CEP131: variants seen among roughly 807,000 people sequenced by gnomAD.
CEP131 encodes the protein centrosomal protein 131.
Under a neutral mutation model 136.8 loss-of-function variants are expected in CEP131, and 99 were observed. The ratio of observed to expected loss-of-function variants is 0.72; its 90% CI spans 0.62 to 0.86. CEP131 has a LOEUF of 0.86. Among genes scored for constraint, CEP131 ranks in the 40% least tolerant of loss-of-function variants. The pLI, the probability that CEP131 is intolerant of heterozygous loss-of-function variation, is 0.00. For missense variants in CEP131, 1,459 were observed against 1,463.0 expected (o/e 1.00, Z 0.04); for synonymous variants, 646 against 612.7 (o/e 1.05, Z -0.80).
In CEP131 at chr17:81,219,843, G is replaced by C; in HGVS notation, c.177+37C>G. The C allele has an allele frequency of 6.6e-7, 1 of 1,512,458 alleles. No homozygotes were observed. Among genetic ancestry groups the C allele is most frequent in the Non-Finnish European group, 8.9e-7 (1 of 1,123,970 alleles). 93.7% of individuals were successfully genotyped at this position (1,512,458 alleles called of 1,614,324 possible). A position where few individuals can be genotyped will look rare whatever the true frequency, so the allele number is the denominator to read the frequency against. ...TGCCAACTGAACAACAGCCCTCCAG[G>C]AGGCAGGGGCCCGGACTCCTAGGCC... is the stretch of plus-strand genomic sequence containing the variant. On this transcript the variant is annotated intron_variant, in intron 2 of 25. Transcript: ENST00000450824. The surrounding 1 kb of genome is among the most constrained non-coding windows in gnomAD (Gnocchi z 4.0).
intron 19 of CEP131, 51 bp downstream of exon 19, chr17:81,192,685 G>GGGGGGGGGGGGGGGGCCCC: frequency 2.1e-6 from 1 of 478,428 alleles, no homozygotes; most frequent in Non-Finnish European, 4.1e-6. Flanking sequence ...GGGGGGAGGG[G>GGGGGGGGGGGGGGGGCCCC]TCAGCCAGCG....
rs1456027781 is a variant in CEP131, at chr17:81,196,789, T to A, written c.1811A>T (p.Glu604Val). 1 of 1,586,122 alleles carries A rather than the reference T, an allele frequency of 6.3e-7. No homozygotes were observed. The highest frequency in any genetic ancestry group is 8.6e-7 in the Non-Finnish European group (1 of 1,166,982). Reference protein sequence around the residue: ...QRDLTARRVKETEKALSRQLQ... With the variant: ...QRDLTARRVKVTEKALSRQLQ... ...CTGCCGGCTCAGCGCCTTCTCTGTCTCCTTGACCCGCCGGGCCGTGAGGTC... is the reference window on the plus strand; with the variant it reads ...CTGCCGGCTCAGCGCCTTCTCTGTCACCTTGACCCGCCGGGCCGTGAGGTC... Residue 604 changes from glutamate (E) to valine (V), a missense_variant, in exon 15 of 26, where the codon GAG (glutamate) becomes GTG (valine). This residue lies in a region of CEP131 where 1,026 missense variants were observed against 964.2 expected (regional missense o/e 1.06). Coordinates refer to ENST00000450824, the MANE Select transcript of CEP131 (RefSeq NM_014984.4).
In CEP131 at chr17:81,198,876, C is replaced by T. The variant is rs1238523549; in HGVS notation, c.1287+1G>A. ...GGAGTGAAGGACAGCTGTGCTCAGA[C>T]CTGCGTCCTGTCCTCTGGAGGCTGC... On this transcript the variant is annotated splice_donor_variant, in intron 11 of 25. Transcript: ENST00000450824. LOFTEE classifies it high-confidence loss of function. 1.3e-6 allele frequency: 2 copies of T among 1,580,142 alleles called. No individual in the cohort carries two copies. The highest frequency in any genetic ancestry group is 1.7e-6 in the Non-Finnish European group (2 of 1,163,790).
chr17:81,194,093 C>T lies in CEP131; in HGVS notation c.2154G>A (p.Arg718=). ...LEPEIQKLIA[R]HKQEVRRLKS... ...TGAGCCTCCGCACTTCCTGCTTGTGCCTTGCAATCAGCTTCTGGATCTCGG... is the reference window on the plus strand; with the variant it reads ...TGAGCCTCCGCACTTCCTGCTTGTGTCTTGCAATCAGCTTCTGGATCTCGG... The change falls in exon 18 of 26, where the codon AGG becomes AGA. Residue 718 remains arginine, a synonymous_variant. Transcript: ENST00000450824. 1 of 1,563,538 alleles carries T rather than the reference C, an allele frequency of 6.4e-7. No individual in the cohort carries two copies. The highest frequency in any genetic ancestry group is 8.6e-7 in the Non-Finnish European group (1 of 1,156,672).
rs2062346706 is a variant in CEP131 at position 81,219,913 on chromosome 17, CACGGAGACAGAGCGGACG to C, written c.126_143del (p.Ile42_Val48delinsMet). ...TCCTCTTCTGCTCGCTGCCTGTGAC[CACGGAGACAGAGCGGACG>C]ATGGGCTTGGTGGTGGCGGCACTGC... On this transcript the variant is annotated inframe_deletion, in exon 2 of 26. Coordinates refer to ENST00000450824, the MANE Select transcript of CEP131 (RefSeq NM_014984.4). This position sits in a 1 kb window ranked among gnomAD's most constrained non-coding sequence, Gnocchi z 4.0. 1 of 1,610,702 alleles carries C rather than the reference CACGGAGACAGAGCGGACG, an allele frequency of 6.2e-7. No homozygotes were observed. The highest frequency in any genetic ancestry group is 1.3e-5 in the African/African-American group (1 of 74,858).
chr17:81,192,726 CG>C lies in CEP131; in HGVS notation c.2429+9del. ...TCCCTGGGAGAGGGCGTGGTGCCCCCGGGCGGCACCTGGCTGCCTGCTGGCC... is the reference window on the plus strand; with the variant it reads ...TCCCTGGGAGAGGGCGTGGTGCCCCCGGCGGCACCTGGCTGCCTGCTGGCC... On this transcript the variant is annotated intron_variant, in intron 19 of 25. Coordinates refer to ENST00000450824, the MANE Select transcript of CEP131 (RefSeq NM_014984.4). The C allele has an allele frequency of 6.5e-7, 1 of 1,547,860 alleles. No homozygotes were observed. The highest frequency in any genetic ancestry group is 8.8e-7 in the Non-Finnish European group (1 of 1,138,082).
chr17:81,220,430 C>T (rs2062361712), intron 1 of CEP131, among the ~76,000 whole-genome samples: 1 of 152,210 alleles, frequency 6.6e-6, no homozygotes, highest in Admixed American at 6.5e-5. Flanking sequence ...CACCGTGATT[C>T]TGAGAAAGTC....
At position 81,191,218 on chromosome 17, in the gene CEP131, C is replaced by T. The variant is rs1014700050; in HGVS notation, c.2740G>A (p.Glu914Lys). Residue 914 changes from glutamate (E) to lysine (K), a missense_variant, in exon 22 of 26, where the codon GAG becomes AAG. Glu to Lys is a moderately conservative substitution (Grantham distance 56). Coordinates refer to ENST00000450824, the MANE Select transcript of CEP131 (RefSeq NM_014984.4). ...CGGCTCTCGGCAGCCTTCTCACTCT[C>T]CTCCTTGGCCAGCGCCATGTCGGCC... ...LEADMALAKE[E>K]SEKAAESRIK... The T allele has an allele frequency of 3.1e-6, 5 of 1,612,948 alleles. No homozygotes were observed. Among genetic ancestry groups the T allele is most frequent in the Non-Finnish European group, 4.2e-6 (5 of 1,179,944 alleles).
chr17:81,201,644 G>A (rs1000859966), intron 7 of CEP131, among the ~76,000 whole-genome samples: 6 of 152,186 alleles, frequency 3.9e-5, no homozygotes, highest in Non-Finnish European at 1.5e-5. Context: ...CAAATCTAGA[G>A]TTGTGTGACC....
Position 81,191,007 on chromosome 17 carries a change from C to A in CEP131, c.2843G>T (p.Cys948Phe), listed in dbSNP as rs1289956999. The A allele has an allele frequency of 6.2e-7, 1 of 1,609,714 alleles. No individual in the cohort carries two copies. The highest frequency in any genetic ancestry group is 8.5e-7 in the Non-Finnish European group (1 of 1,179,902). Residue 948 changes from cysteine to phenylalanine, a missense_variant, in exon 23 of 26, where the codon TGC becomes TTC. Around this residue, in one of 3 missense-constraint regions of CEP131, gnomAD observed 1,026 missense variants for 964.2 expected, o/e 1.06. Coordinates refer to ENST00000450824, the MANE Select transcript of CEP131 (RefSeq NM_014984.4). ...EQSERKLQERCSELKGQLGEA... is the reference protein window; with the variant it reads ...EQSERKLQERFSELKGQLGEA... The stretch of plus-strand genomic sequence containing the variant: ...CCCAAGCTGGCCCTTCAGCTCCGAG[C>A]ACCGCTCCTGAAGCTTCCGCTCCGA...
At chr17:81,209,105 G>A (rs936680070) in intron 2 of CEP131, 83 bp from the exon 3 acceptor site, 10 of 1,055,654 alleles carry the variant, frequency 9.5e-6, no homozygotes, top group South Asian at 1.4e-5. Context: ...TTGGAGAAAC[G>A]CAGTCAGAGA....
rs182537101 is a variant in CEP131, at chr17:81,198,119, C to A, written c.1466G>T (p.Ser489Ile). 3 of 1,561,552 alleles carry A rather than the reference C, an allele frequency of 1.9e-6. No individual in the cohort carries two copies. The highest frequency in any genetic ancestry group is 4.7e-5 in the East Asian group (2 of 42,274). Reference protein sequence around the residue: ...THHRGRYAWASEEDDASSLTA... With the variant: ...THHRGRYAWAIEEDDASSLTA... ...GCGGGCGCACACCGTGGTCACCTCG[C>A]TGGCCCAGGCGTATCTGCCCCTGTG... The change falls in exon 12 of 26, where the codon AGC becomes ATC. Residue 489 changes from serine to isoleucine, a missense_variant. Physicochemically the swap from Ser to Ile is moderately radical, Grantham distance 142. This residue lies in a region of CEP131 where 1,026 missense variants were observed against 964.2 expected (regional missense o/e 1.06). Coordinates refer to ENST00000450824, the MANE Select transcript of CEP131 (RefSeq NM_014984.4).
rs748770958 is a variant in CEP131 at position 81,190,927 on chromosome 17, C to T, written c.2923G>A (p.Ala975Thr). 1 of 1,604,672 alleles carries T rather than the reference C, an allele frequency of 6.2e-7. No homozygotes were observed. The highest frequency in any genetic ancestry group is 1.7e-5 in the Admixed American group (1 of 59,958). Residue 975 changes from alanine to threonine, a missense_variant, in exon 23 of 26, where the codon GCG becomes ACG. Ala to Thr is a moderately conservative substitution (Grantham distance 58). Coordinates refer to ENST00000450824, the MANE Select transcript of CEP131 (RefSeq NM_014984.4). ...CTCACCGCCTGCGCATCCTCCAGCGCCCGCTCCTTCTGCCGCACAAGGCCC... is the reference window on the plus strand; with the variant it reads ...CTCACCGCCTGCGCATCCTCCAGCGTCCGCTCCTTCTGCCGCACAAGGCCC... Reference protein sequence around the residue: ...LQGLVRQKERALEDAQAVNEQ... With the variant: ...LQGLVRQKERTLEDAQAVNEQ...
chr17:81,195,737 G>A, intron 16 of CEP131, 98 bp downstream of exon 16: 1 of 1,057,666 alleles, frequency 9.5e-7, no homozygotes, highest in South Asian at 1.4e-5. Context: ...AGACAGGAAT[G>A]AGGACTCCAA....
intron 1 of CEP131, 129 bp downstream of exon 1, chr17:81,222,640 A>C (rs2146789771): frequency 6.8e-6 from 1 of 147,636 alleles, no homozygotes; most frequent in East Asian, 2.0e-4. Flanking sequence ...AGATCCCCCC[A>C]CTCACCTGTG....
intron 21 of CEP131, 100 bp from the exon 22 acceptor site, chr17:81,191,435 CA>C (rs1169525617): frequency 2.6e-6 from 3 of 1,155,200 alleles, no homozygotes; most frequent in Non-Finnish European, 3.8e-6. Context: ...CTCTGAGCCA[CA>C]GGGGAGCAAG....
intron 5 of CEP131, among the ~76,000 whole-genome samples, chr17:81,204,758 ACACCTGCACCGGACCG>A (rs938612928): frequency 2.0e-5 from 3 of 149,030 alleles, no homozygotes; most frequent in African/African-American, 7.7e-5. Context: ...GCACCGGACC[ACACCTGCACCGGACCG>A]CACCAGGCAC....
At chr17:81,198,047 C>T in intron 12 of CEP131, 68 bp downstream of exon 12, 1 of 1,488,796 alleles carries the variant, frequency 6.7e-7, no homozygotes. Context: ...ACCCCCACAG[C>T]CACCGCATGC....
chr17:81,210,927 A>G (rs1480746942), intron 2 of CEP131, among the ~76,000 whole-genome samples: 2 of 151,800 alleles, frequency 1.3e-5, no homozygotes, highest in African/African-American at 4.8e-5. Context: ...TCAGGAAACC[A>G]TGGTCTAAAA....
Sources: allele counts gnomAD v4.1 joint callset (sites outside exome capture counted in the v4.1 genomes callset), GRCh38; gene constraint gnomAD v4.1.1; regional missense constraint gnomAD v4.1.1; non-coding constraint Gnocchi (gnomAD v3.1); transcripts MANE v1.5; gene names NCBI Gene and HGNC (gene_info 2026-07-23, HGNC 2026-07-21).